EXD3: variants seen among roughly 807,000 people sequenced by gnomAD.
The protein encoded by EXD3 is exonuclease mut-7 homolog.
A neutral mutation model predicts 98.0 loss-of-function variants in EXD3; 92 were observed. The ratio of observed to expected loss-of-function variants is 0.94; its 90% CI spans 0.79 to 1.12. The LOEUF (loss-of-function observed/expected upper bound fraction) is 1.12, where lower values mean the gene tolerates loss of function less well. Ranked by LOEUF, EXD3 falls within the 50% of genes most tolerant of loss-of-function variation. EXD3 has a pLI of 0.00. For missense variants in EXD3, 1,222 were observed against 1,191.6 expected (o/e 1.03, Z -0.38); for synonymous variants, 569 against 526.0 (o/e 1.08, Z -1.12).
Position 137,324,039 on chromosome 9 carries a change from G to A in EXD3, c.2052+51C>T. On this transcript the variant is annotated intron_variant, in intron 18 of 21. Coordinates refer to ENST00000340951, the MANE Select transcript of EXD3 (RefSeq NM_017820.5). This position sits in a 1 kb window ranked among gnomAD's most constrained non-coding sequence, Gnocchi z 4.1. ...GGTGGGGGTGGCCGAGGGGCTGGGG[G>A]CTTGGGAAGATGGGGCTCAGGCCCA... The A allele has an allele frequency of 1.3e-6, 2 of 1,555,044 alleles. No homozygotes were observed. Among genetic ancestry groups the A allele is most frequent in the Non-Finnish European group, 8.7e-7 (1 of 1,147,852 alleles).
chr9:137,381,907 G>A (rs1018825481), intron 3 of EXD3, among the ~76,000 whole-genome samples: 4 of 152,236 alleles, frequency 2.6e-5, no homozygotes, highest in South Asian at 2.1e-4. Flanking sequence ...TGGAATCCGG[G>A]AATGTGATGG....
chr9:137,336,415 C>G (rs576537886), intron 17 of EXD3, among the ~76,000 whole-genome samples: 1 of 152,318 alleles, frequency 6.6e-6, no homozygotes, highest in South Asian at 2.1e-4. Context: ...AATCCCAGCA[C>G]TTCGGCAGGC....
At chr9:137,377,082 TGTGAG>T (rs1835945896) in intron 3 of EXD3, 1 of 152,210 alleles carries the variant, frequency 6.6e-6, no homozygotes, top group Non-Finnish European at 1.5e-5. Flanking sequence ...ACCTGGACTC[TGTGAG>T]CAGCAAGCGA....
Position 137,395,328 on chromosome 9 carries a change from A to G in EXD3, c.30T>C (p.Pro10=), listed in dbSNP as rs1463515714. The G allele has an allele frequency of 6.2e-7, 1 of 1,613,138 alleles. No homozygotes were observed. The highest frequency in any genetic ancestry group is 8.5e-7 in the Non-Finnish European group (1 of 1,179,764). Reference sequence around the variant, plus strand: ...CCATGCGGTGGCGCTCGCCAGCGGCAGGGTCACCAGCGGGATCTCCTGGGT... The same window carrying G: ...CCATGCGGTGGCGCTCGCCAGCGGCGGGGTCACCAGCGGGATCTCCTGGGT... MDPGDPAGD[P]AAGERHRMGR... Residue 10 remains proline, a synonymous_variant, in exon 2 of 22, where the codon CCT becomes CCC. Coordinates refer to ENST00000340951, the MANE Select transcript of EXD3 (RefSeq NM_017820.5). The surrounding 1 kb of genome is among the most constrained non-coding windows in gnomAD (Gnocchi z 6.5).
intron 5 of EXD3, among the ~76,000 whole-genome samples, chr9:137,368,530 G>A (rs1272998169): frequency 6.6e-6 from 1 of 152,354 alleles, no homozygotes; most frequent in East Asian, 1.9e-4. Flanking sequence ...TGCGATCGGG[G>A]CACGGCCGGG....
At chr9:137,368,108 C>A (rs1835366531) in intron 5 of EXD3, 119 bp from the exon 6 acceptor site, 2 of 811,432 alleles carry the variant, frequency 2.5e-6, no homozygotes, top group Non-Finnish European at 3.9e-6. Context: ...GAGTGCAGGG[C>A]CTTCCCGTGT....
rs546958480 is a variant in EXD3 at position 137,407,841 on chromosome 9, C to T, written c.-47-12437G>A. ...AAGGACACACGCGGGAGGCGGGAGGCGGGAGGGGCACAGCAAAGGGTCTGG... is the reference window on the plus strand; with the variant it reads ...AAGGACACACGCGGGAGGCGGGAGGTGGGAGGGGCACAGCAAAGGGTCTGG... On this transcript the variant is annotated intron_variant, in intron 1 of 21. Coordinates refer to ENST00000340951, the MANE Select transcript of EXD3 (RefSeq NM_017820.5). The surrounding 1 kb of genome is among the most constrained non-coding windows in gnomAD (Gnocchi z 4.4). Among the ~76,000 whole-genome samples the T allele has an allele frequency of 6.8e-6, 1 of 147,718 alleles. No homozygotes were observed. Among genetic ancestry groups the T allele is most frequent in the African/African-American group, 2.4e-5 (1 of 40,932 alleles).
intron 19 of EXD3, among the ~76,000 whole-genome samples, chr9:137,316,401 G>A (rs1831662642): frequency 1.3e-5 from 2 of 151,968 alleles, no homozygotes; most frequent in Admixed American, 1.3e-4. Context: ...CCCAGGGGCC[G>A]CGGGGTCGCT....
chr9:137,307,537 T>G, intron 21 of EXD3, 71 bp downstream of exon 21: 2 of 1,569,650 alleles, frequency 1.3e-6, no homozygotes, highest in Non-Finnish European at 1.7e-6. Flanking sequence ...AAGTCCCCCA[T>G]TCTGGGGGAA....
chr9:137,307,136 C>T lies in EXD3; in HGVS notation c.2445G>A (p.Gly815=). The stretch of plus-strand genomic sequence containing the variant: ...GTGTCCTCAGCACACCCACCGGGAC[C>T]CCTGCCAGCTGCAGCCGGGTGCCGT... ...LADGTRLQLA[G]VPVGVLRTPG... is the part of the protein sequence containing the mutation. The change falls in exon 22 of 22, where the codon GGG becomes GGA. Residue 815 remains glycine (G), a synonymous_variant. Coordinates refer to ENST00000340951, the MANE Select transcript of EXD3 (RefSeq NM_017820.5). 6.2e-7 allele frequency: 1 copy of T among 1,600,244 alleles called. No individual in the cohort carries two copies. The highest frequency in any genetic ancestry group is 8.5e-7 in the Non-Finnish European group (1 of 1,174,418).
chr9:137,377,780 G>C (rs1319130277), intron 3 of EXD3, among the ~76,000 whole-genome samples: 1 of 150,102 alleles, frequency 6.7e-6, no homozygotes, highest in Non-Finnish European at 1.5e-5. Context: ...ACAAAAAATA[G>C]TCGTTGAATT....
intron 1 of EXD3, among the ~76,000 whole-genome samples, chr9:137,419,515 C>T (rs976401687): frequency 6.6e-6 from 1 of 151,772 alleles, no homozygotes; most frequent in African/African-American, 2.4e-5. Flanking sequence ...ACTAAAAATA[C>T]AAAATTAGCT....
chr9:137,396,014 C>T (rs1341725370), intron 1 of EXD3, among the ~76,000 whole-genome samples: 4 of 150,516 alleles, frequency 2.7e-5, no homozygotes, highest in African/African-American at 9.8e-5. Flanking sequence ...AATGCCCAGG[C>T]TGGAGTGCAG....
intron 17 of EXD3, among the ~76,000 whole-genome samples, chr9:137,336,180 T>C (rs936645648): frequency 6.6e-6 from 1 of 152,088 alleles, no homozygotes; most frequent in African/African-American, 2.4e-5. Context: ...AAAGACGACA[T>C]ATTGGGTACA....
At chr9:137,348,348 T>TTTTGAAGAAAGCG in intron 16 of EXD3, 110 bp from the exon 17 acceptor site, 1 of 1,228,072 alleles carries the variant, frequency 8.1e-7, no homozygotes, top group Non-Finnish European at 1.1e-6. Flanking sequence ...CTGTTTTATC[T>TTTTGAAGAAAGCG]TCAAAAGATA....
chr9:137,396,920 G>A (rs1257673353), intron 1 of EXD3, among the ~76,000 whole-genome samples: 1 of 152,252 alleles, frequency 6.6e-6, no homozygotes, highest in Admixed American at 6.5e-5. Context: ...GCAGCCCCAG[G>A]ACAGCTGCTC....
At chr9:137,310,364 C>G (rs1043364912) in intron 19 of EXD3, among the ~76,000 whole-genome samples, 2 of 152,214 alleles carry the variant, frequency 1.3e-5, no homozygotes, top group African/African-American at 4.8e-5. Context: ...CCACATCAGC[C>G]TCCTGAGTAG....
At chr9:137,389,424 C>T (rs1212946528) in intron 2 of EXD3, among the ~76,000 whole-genome samples, 2 of 152,234 alleles carry the variant, frequency 1.3e-5, no homozygotes, top group Non-Finnish European at 2.9e-5. Context: ...CAGTCCTACT[C>T]ACTTGCCTCA....
At chr9:137,355,476 G>GAAGGAGAAAGGGAGGAAGGAGA (rs1564508136) in intron 8 of EXD3, among the ~76,000 whole-genome samples, 9 of 72,110 alleles carry the variant, frequency 1.2e-4, no homozygotes, top group African/African-American at 4.2e-4. Context: ...GAGGAAGGAG[G>GAAGGAGAAAGGGAGGAAGGAGA]AAGGAGGAAG....
Sources: gnomAD v4.1 joint callset for allele counts (sites outside exome capture counted in the v4.1 genomes callset) on GRCh38, gnomAD v4.1.1 for gene constraint, Gnocchi (gnomAD v3.1) non-coding constraint, MANE v1.5 for transcripts, NCBI Gene and HGNC (gene_info 2026-07-23, HGNC 2026-07-21) for gene names.